TENM1: variants seen among roughly 807,000 people sequenced by gnomAD.
TENM1 encodes the protein teneurin-1.
A neutral mutation model predicts 174.8 loss-of-function variants in TENM1; 35 were observed. The ratio of observed to expected loss-of-function variants is 0.20; its 90% confidence interval spans 0.15 to 0.27. The LOEUF (loss-of-function observed/expected upper bound fraction) is 0.27, where lower values mean the gene tolerates loss of function less well. Ranked by LOEUF, TENM1 falls within the 10% of genes least tolerant of loss-of-function variation. The pLI, the probability that TENM1 is intolerant of heterozygous loss-of-function variation, is 1.00. For missense variants in TENM1, 1,633 were observed against 2,130.1 expected (o/e 0.77, Z 4.59); for synonymous variants, 781 against 798.7 (o/e 0.98, Z 0.37).
intron 3 of TENM1, among the ~76,000 whole-genome samples, chrX:124,768,009 A>G (rs937187933): frequency 4.5e-5 from 5 of 111,565 alleles, no homozygotes; most frequent in South Asian, 7.5e-4. Context: ...CAATGTGTCT[A>G]TCTCTCCTCT....
rs566974219 is a variant in TENM1 at position 124,640,139 on chromosome X, T to C, written c.2077+1652A>G. Among the ~76,000 whole-genome samples, 37 of 111,019 alleles carry C rather than the reference T, an allele frequency of 3.3e-4. No homozygotes were observed. The South Asian group carries it at 0.014, about 41-fold the overall frequency. On this transcript the variant is annotated intron_variant, in intron 11 of 31. Transcript: ENST00000422452. ...TAGAGATATACATATCTATATCCTA[T>C]ACCTAAGGATATAGATATATATGGT...
chrX:124,396,291 A>C (rs905070923), intron 27 of TENM1, among the ~76,000 whole-genome samples: 23 of 4,764 alleles, frequency 4.8e-3, no homozygotes, highest in African/African-American at 9.5e-3. Flanking sequence ...TTTCCAGCTG[A>C]GCCTCTCCCA....
In TENM1 at chrX:124,714,252, C is replaced by T. The variant is rs1268719491; in HGVS notation, c.777-9001G>A. On this transcript the variant is annotated intron_variant, in intron 4 of 31. Coordinates refer to ENST00000422452, the Ensembl canonical transcript of TENM1. ...AAAAGGCAGAGTTGGTAATCAACTT[C>T]AGTTTTGTTGATTGCTAGAATGTAA... 3.0e-4 allele frequency among the ~76,000 whole-genome samples: 33 copies of T among 111,695 alleles called. No homozygotes were observed. In the Admixed American group the frequency reaches 3.0e-3, roughly 10 times the overall value.
intron 10 of TENM1, among the ~76,000 whole-genome samples, chrX:124,643,705 T>C (rs2051076533): frequency 9.0e-6 from 1 of 111,212 alleles, no homozygotes; most frequent in Non-Finnish European, 1.9e-5. Flanking sequence ...GAAAAATTTA[T>C]ACCATTAAAT....
intron 22 of TENM1, among the ~76,000 whole-genome samples, chrX:124,468,332 C>A (rs1049774616): frequency 1.8e-5 from 2 of 109,786 alleles, no homozygotes; most frequent in African/African-American, 6.7e-5. Context: ...CCCACCACCA[C>A]GCCTGGCTAA....
the TENM1 span, among the ~76,000 whole-genome samples, chrX:125,105,543 T>C: frequency 9.5e-6 from 1 of 105,713 alleles, no homozygotes; most frequent in Non-Finnish European, 2.0e-5. Context: ...AAAATTGCAC[T>C]CATCTACACC....
chrX:124,761,390 G>GT (rs1488530060), intron 3 of TENM1, among the ~76,000 whole-genome samples: 1 of 109,888 alleles, frequency 9.1e-6, no homozygotes, highest in Non-Finnish European at 1.9e-5. Context: ...CATGTCCTTT[G>GT]TAGGGACATG....
the TENM1 span, among the ~76,000 whole-genome samples, chrX:124,980,306 T>C: frequency 9.0e-6 from 1 of 111,477 alleles, no homozygotes; most frequent in Non-Finnish European, 1.9e-5. Flanking sequence ...GTTATATGAC[T>C]GATAAGCGCT....
At chrX:124,488,313 T>C in intron 20 of TENM1, among the ~76,000 whole-genome samples, 1 of 112,575 alleles carries the variant, frequency 8.9e-6, no homozygotes, top group East Asian at 2.8e-4. Flanking sequence ...AACATAGAGA[T>C]AACCATTTTT....
chrX:124,716,823 G>A (rs776015160), intron 4 of TENM1, among the ~76,000 whole-genome samples: 40 of 111,471 alleles, frequency 3.6e-4, no homozygotes, highest in African/African-American at 1.3e-3. Flanking sequence ...CACACTGTGC[G>A]TGCTCAATTC....
intron 23 of TENM1, among the ~76,000 whole-genome samples, chrX:124,436,790 C>A (rs1036961178): frequency 9.0e-6 from 1 of 111,134 alleles, no homozygotes; most frequent in East Asian, 2.8e-4. Flanking sequence ...TTTGTTTCCC[C>A]AGTCGGAGAG....
chrX:124,595,992 T>G (rs776311448), intron 11 of TENM1, among the ~76,000 whole-genome samples: 36 of 112,450 alleles, frequency 3.2e-4, no homozygotes, highest in African/African-American at 1.2e-3. Flanking sequence ...TTTTTTCAAT[T>G]TAAATATGCA....
At chrX:124,741,496 T>C (rs2053797948) in intron 3 of TENM1, among the ~76,000 whole-genome samples, 1 of 111,073 alleles carries the variant, frequency 9.0e-6, no homozygotes, top group East Asian at 2.8e-4. Flanking sequence ...AAAAATGAAG[T>C]TAGGGATGCA....
chrX:125,111,780 T>C, the TENM1 span, among the ~76,000 whole-genome samples: 2 of 111,848 alleles, frequency 1.8e-5, no homozygotes, highest in Admixed American at 9.5e-5. Context: ...TGCATAAAAC[T>C]GATAGTATTC....
intron 11 of TENM1, among the ~76,000 whole-genome samples, chrX:124,569,196 T>TCAAACACACAAA (rs1556001520): frequency 3.7e-5 from 4 of 107,923 alleles, no homozygotes; most frequent in African/African-American, 1.0e-4. Context: ...AGGCCCTGTC[T>TCAAACACACAAA]CAAACAAACA....
intron 3 of TENM1, among the ~76,000 whole-genome samples, chrX:124,866,749 G>C (rs1206294103): frequency 1.8e-5 from 2 of 110,333 alleles, no homozygotes; most frequent in Non-Finnish European, 3.8e-5. Context: ...AGTTAAACAA[G>C]ATTGACAGAC....
At chrX:124,816,604 C>A (rs1016083927) in intron 3 of TENM1, among the ~76,000 whole-genome samples, 6 of 111,408 alleles carry the variant, frequency 5.4e-5, no homozygotes, top group African/African-American at 2.0e-4. Context: ...GGAGATGCAG[C>A]CCAGCCACTG....
rs770624947 is a variant in TENM1 at position 124,471,635 on chromosome X, A to G, written c.3949+10097T>C. On this transcript the variant is annotated intron_variant, in intron 22 of 31. Transcript: ENST00000422452. ...TAATATATAATATAGATTAATATAT[A>G]ATATATAATTATATAATATACAATA... Among the ~76,000 whole-genome samples, 34 of 83,550 alleles carry G rather than the reference A, an allele frequency of 4.1e-4. 2 individuals are homozygous for G. The South Asian group carries it at 0.017, about 42-fold the overall frequency. The allele number at this position is 83,550 out of a possible 115,157, so 72.6% of individuals were successfully genotyped here.
At chrX:125,021,045 T>G in the TENM1 span, among the ~76,000 whole-genome samples, 1 of 111,149 alleles carries the variant, frequency 9.0e-6, no homozygotes, top group Non-Finnish European at 1.9e-5. Flanking sequence ...TTGCCAACAT[T>G]TTCTATATGA....
Sources: allele counts gnomAD v4.1 joint callset (sites outside exome capture counted in the v4.1 genomes callset), GRCh38; gene constraint gnomAD v4.1.1; transcripts MANE v1.5; gene names NCBI Gene and HGNC (gene_info 2026-07-23, HGNC 2026-07-21).